ACCSL: variants seen among roughly 807,000 people sequenced by gnomAD.
ACCSL encodes probable inactive 1-aminocyclopropane-1-carboxylate synthase-like protein 2.
In ACCSL, 55 loss-of-function variants were observed where a neutral mutation model predicts 61.7. That is an observed-to-expected ratio of 0.89 (90% confidence interval 0.72 to 1.12). The LOEUF (loss-of-function observed/expected upper bound fraction) is 1.12, where lower values mean the gene tolerates loss of function less well. Ranked by LOEUF, ACCSL falls within the 50% of genes most tolerant of loss-of-function variation. The pLI, the probability that ACCSL is intolerant of heterozygous loss-of-function variation, is 0.00. For synonymous variants in ACCSL, 258 were observed against 264.3 expected (o/e 0.98, Z 0.23); for missense variants, 632 against 698.0 (o/e 0.91, Z 1.07).
chr11:44,036,318 G>T, the ACCSL span, among the ~76,000 whole-genome samples: 1 of 152,250 alleles, frequency 6.6e-6, no homozygotes, highest in South Asian at 2.1e-4. Flanking sequence ...TCTGGGCCTG[G>T]ATTCAGACAG....
At chr11:44,036,781 CAAAAA>C in the ACCSL span, among the ~76,000 whole-genome samples, 2 of 56,572 alleles carry the variant, frequency 3.5e-5, no homozygotes, top group African/African-American at 6.1e-5. Context: ...GACACCAGCT[CAAAAA>C]AAAAAAAAAA....
chr11:43,976,856 C>T, the ACCSL span, among the ~76,000 whole-genome samples: 1 of 152,166 alleles, frequency 6.6e-6, no homozygotes, highest in East Asian at 1.9e-4. Flanking sequence ...CTGATGAACA[C>T]ATTATAGTGT....
the ACCSL span, chr11:43,943,884 G>GT: frequency 2.4e-6 from 3 of 1,227,246 alleles, no homozygotes; most frequent in Non-Finnish European, 3.2e-6. This position sits in a 1 kb window ranked among gnomAD's most constrained non-coding sequence, Gnocchi z 4.8. Flanking sequence ...GCACAGTGCA[G>GT]TTTTCCAGGC....
chr11:43,991,480 G>A, the ACCSL span, among the ~76,000 whole-genome samples: 205 of 151,276 alleles, frequency 1.4e-3, 1 homozygote, highest in African/African-American at 4.7e-3. Context: ...CATTCAAGCT[G>A]TCCAAGATCT....
the ACCSL span, among the ~76,000 whole-genome samples, chr11:43,961,825 C>A: frequency 6.6e-6 from 1 of 152,066 alleles, no homozygotes; most frequent in Non-Finnish European, 1.5e-5. Context: ...AGGAAATATC[C>A]TCTCCATAGG....
chr11:44,015,365 G>A, the ACCSL span, among the ~76,000 whole-genome samples: 1 of 152,188 alleles, frequency 6.6e-6, no homozygotes, highest in Non-Finnish European at 1.5e-5. Context: ...AGATTGGCCT[G>A]GCTGCAAAGC....
At chr11:44,035,936 T>TAAAAAAAAAAAAAAA in the ACCSL span, among the ~76,000 whole-genome samples, 2 of 79,086 alleles carry the variant, frequency 2.5e-5, no homozygotes, top group Non-Finnish European at 2.4e-5. Context: ...AGACTCTGTG[T>TAAAAAAAAAAAAAAA]AAAAAAAAAA....
Position 44,052,977 on chromosome 11 carries a change from T to C in ACCSL, c.871-14T>C. 2 of 1,610,302 alleles carry C rather than the reference T, an allele frequency of 1.2e-6. No homozygotes were observed. Among genetic ancestry groups the C allele is most frequent in the Admixed American group, 1.7e-5 (1 of 59,994 alleles). ...ATTTTAAGAGACACTTCTCACATAG[T>C]GTTTCTCTTCCAGGTCACTGTTACA... is the stretch of plus-strand genomic sequence containing the variant. On this transcript the variant is annotated splice_polypyrimidine_tract_variant and intron_variant, in intron 6 of 13. Coordinates refer to ENST00000378832, the MANE Select transcript of ACCSL (RefSeq NM_001031854.2).
chr11:43,941,007 C>A, the ACCSL span, among the ~76,000 whole-genome samples: 1 of 152,140 alleles, frequency 6.6e-6, no homozygotes, highest in South Asian at 2.1e-4. Flanking sequence ...ACTTTTCTAC[C>A]TGTAAATGGC....
the ACCSL span, among the ~76,000 whole-genome samples, chr11:44,010,166 C>A: frequency 1.3e-5 from 2 of 152,128 alleles, no homozygotes; most frequent in African/African-American, 4.8e-5. Flanking sequence ...CATGGAGAAA[C>A]CCCGTCTCTA....
chr11:44,007,612 G>A, the ACCSL span, among the ~76,000 whole-genome samples: 1 of 152,132 alleles, frequency 6.6e-6, no homozygotes, highest in Non-Finnish European at 1.5e-5. Context: ...CCTAAGTATA[G>A]CAGGAAAGGC....
the ACCSL span, chr11:43,933,230 C>G: frequency 2.2e-6 from 1 of 454,562 alleles, no homozygotes; most frequent in Non-Finnish European, 4.4e-6. Flanking sequence ...GAATGCGAGG[C>G]TACAAGCCCA....
the ACCSL span, among the ~76,000 whole-genome samples, chr11:43,978,814 T>TAC: frequency 2.3e-5 from 2 of 88,794 alleles, no homozygotes; most frequent in Non-Finnish European, 4.5e-5. Context: ...TTTTTTTTTT[T>TAC]ACCAATAAAA....
At chr11:43,978,792 T>TG in the ACCSL span, among the ~76,000 whole-genome samples, 1 of 141,646 alleles carries the variant, frequency 7.1e-6, no homozygotes, top group Non-Finnish European at 1.5e-5. Flanking sequence ...GGTTTTTTTT[T>TG]TTTTTTTTTT....
At chr11:44,016,976 A>G in the ACCSL span, among the ~76,000 whole-genome samples, 1 of 152,190 alleles carries the variant, frequency 6.6e-6, no homozygotes, top group Non-Finnish European at 1.5e-5. Context: ...CTCATGTTTC[A>G]TAATCTGAAG....
the ACCSL span, among the ~76,000 whole-genome samples, chr11:44,027,979 A>G: frequency 6.6e-6 from 1 of 152,214 alleles, no homozygotes; most frequent in Non-Finnish European, 1.5e-5. Flanking sequence ...AGTCTGCACA[A>G]CAGAGTGAAA....
the ACCSL span, among the ~76,000 whole-genome samples, chr11:43,950,616 A>G: frequency 6.6e-6 from 1 of 152,132 alleles, no homozygotes; most frequent in African/African-American, 2.4e-5. Flanking sequence ...GTCCCTCCCT[A>G]CCGGTATTCT....
At chr11:44,002,803 T>C in the ACCSL span, among the ~76,000 whole-genome samples, 2 of 152,106 alleles carry the variant, frequency 1.3e-5, no homozygotes, top group Admixed American at 6.5e-5. Flanking sequence ...GATTTTTTGT[T>C]GTGGAGGTTA....
the ACCSL span, among the ~76,000 whole-genome samples, chr11:44,032,369 G>C: frequency 6.6e-6 from 1 of 152,118 alleles, no homozygotes; most frequent in African/African-American, 2.4e-5. Context: ...TTCATGTCTC[G>C]CTGACTGAAG....
Sources: allele counts gnomAD v4.1 joint callset (sites outside exome capture counted in the v4.1 genomes callset), GRCh38; gene constraint gnomAD v4.1.1; non-coding constraint Gnocchi (gnomAD v3.1); transcripts MANE v1.5; gene names NCBI Gene and HGNC (gene_info 2026-07-23, HGNC 2026-07-21).